Variants in LRTM3 observed in about 807,000 individuals in gnomAD.
The protein encoded by LRTM3 is leucine rich repeat transmembrane protein 3.
At chr13:102,729,872 T>G in the LRTM3 span, 1 of 1,552,022 alleles carries the variant, frequency 6.4e-7, no homozygotes, top group Non-Finnish European at 8.7e-7. Context: ...CTTCTTTCTT[T>G]CTTGGCTTTC....
At chr13:102,735,369 A>G in the LRTM3 span, 12 of 1,551,124 alleles carry the variant, frequency 7.7e-6, no homozygotes, top group African/African-American at 1.1e-4. Context: ...GCATCTGATG[A>G]TTCCTTGGAC....
chr13:102,744,322 T>A, the LRTM3 span: 1 of 1,550,376 alleles, frequency 6.5e-7, no homozygotes, highest in Non-Finnish European at 8.7e-7. Context: ...AATCTAAAGG[T>A]TTTAAGACTG....
At chr13:102,742,194 G>A in the LRTM3 span, 984 of 1,550,386 alleles carry the variant, frequency 6.3e-4, 3 homozygotes, top group Non-Finnish European at 8.3e-4. Context: ...AATGACTTCT[G>A]CTGCTGGATG....
the LRTM3 span, chr13:102,742,487 T>C: frequency 6.5e-7 from 1 of 1,550,146 alleles, no homozygotes; most frequent in East Asian, 2.4e-5. Context: ...AAATTCTTTC[T>C]TGTTTTCAAT....
chr13:102,750,205 A>G, the LRTM3 span: 2 of 1,551,414 alleles, frequency 1.3e-6, no homozygotes, highest in South Asian at 2.4e-5. Flanking sequence ...ACAATGGCAA[A>G]GATGAGCTGA....
At chr13:102,754,952 A>C in the LRTM3 span, among the ~76,000 whole-genome samples, 1 of 152,234 alleles carries the variant, frequency 6.6e-6, no homozygotes, top group African/African-American at 2.4e-5. Context: ...CCAACCAGTC[A>C]GTGACAAGTT....
the LRTM3 span, chr13:102,731,963 C>T: frequency 1.4e-5 from 21 of 1,550,978 alleles, no homozygotes; most frequent in Middle Eastern, 1.7e-4. Context: ...TGGAACAATC[C>T]GTTCTTTTGT....
At chr13:102,758,737 T>C in the LRTM3 span, 1 of 1,550,550 alleles carries the variant, frequency 6.4e-7, no homozygotes, top group African/African-American at 1.4e-5. Context: ...TCAGGAAGTG[T>C]GGGCTTCTTC....
the LRTM3 span, chr13:102,758,875 T>C: frequency 2.8e-5 from 44 of 1,550,006 alleles, no homozygotes; most frequent in East Asian, 1.1e-3. Context: ...GTCATGAATG[T>C]ATTATCTTCC....
chr13:102,743,035 A>T, the LRTM3 span: 1 of 1,548,780 alleles, frequency 6.5e-7, no homozygotes. Flanking sequence ...TTGAGAAAAA[A>T]GTTTCTCCCA....
the LRTM3 span, chr13:102,736,001 C>A: frequency 3.9e-6 from 6 of 1,549,960 alleles, no homozygotes; most frequent in Non-Finnish European, 5.2e-6. Context: ...CAAATGTATC[C>A]TTTTGGGGAG....
chr13:102,735,320 A>G, the LRTM3 span: 1 of 1,551,286 alleles, frequency 6.4e-7, no homozygotes. Context: ...ATCACTTGAA[A>G]GTTCTCCATG....
chr13:102,742,782 G>A, the LRTM3 span: 2 of 1,550,430 alleles, frequency 1.3e-6, no homozygotes, highest in East Asian at 2.4e-5. Context: ...GCAGGTGAAT[G>A]CCTGCCAACA....
the LRTM3 span, among the ~76,000 whole-genome samples, chr13:102,753,533 C>G: frequency 6.7e-6 from 1 of 149,596 alleles, no homozygotes; most frequent in Non-Finnish European, 1.5e-5. Context: ...AAGAAAAGAG[C>G]ATGTGAGGAC....
chr13:102,751,342 TACACACACACACACACACACACACACAC>T, the LRTM3 span, among the ~76,000 whole-genome samples: 4 of 141,998 alleles, frequency 2.8e-5, no homozygotes, highest in African/African-American at 1.1e-4. Flanking sequence ...TCTCTCTTTA[TACACACACACACACACACACACACACAC>T]ACACACACAC....
the LRTM3 span, among the ~76,000 whole-genome samples, chr13:102,756,693 A>AAAAAAAAAAAAAAAAAAG: frequency 9.6e-6 from 1 of 104,472 alleles, no homozygotes. Flanking sequence ...AAAAAAAAAA[A>AAAAAAAAAAAAAAAAAAG]AACAAAAAAA....
the LRTM3 span, chr13:102,745,977 G>C: frequency 1.3e-6 from 2 of 1,551,076 alleles, no homozygotes; most frequent in African/African-American, 2.7e-5. Context: ...TATGCATTGA[G>C]TATTAAGCCA....
chr13:102,730,472 C>T, the LRTM3 span: 2 of 1,551,488 alleles, frequency 1.3e-6, no homozygotes, highest in Non-Finnish European at 1.7e-6. Flanking sequence ...AACAGATTCA[C>T]ATGTATTTCT....
chr13:102,754,563 A>T, the LRTM3 span, among the ~76,000 whole-genome samples: 1 of 152,142 alleles, frequency 6.6e-6, no homozygotes, highest in Non-Finnish European at 1.5e-5. Context: ...TGAGAAAAAA[A>T]TCCCTCATAC....
Sources: allele counts gnomAD v4.1 joint callset (sites outside exome capture counted in the v4.1 genomes callset), GRCh38; gene constraint gnomAD v4.1.1; transcripts MANE v1.5; gene names NCBI Gene and HGNC (gene_info 2026-07-23, HGNC 2026-07-21).